Variants in HDAC9 observed in about 807,000 individuals in gnomAD.
HDAC9 encodes histone deacetylase 9.
HDAC9 carries 41 observed loss-of-function variants against 139.4 expected under a neutral mutation model. That is an observed-to-expected ratio of 0.29 (90% CI 0.23 to 0.38). The LOEUF (loss-of-function observed/expected upper bound fraction) is 0.38, where lower values mean the gene tolerates loss of function less well. Among genes scored for constraint, HDAC9 ranks in the 10% least tolerant of loss-of-function variants. The pLI, the probability that HDAC9 is intolerant of heterozygous loss-of-function variation, is 1.00. For missense variants in HDAC9, 1,147 were observed against 1,297.0 expected, an observed-to-expected ratio of 0.88 and a Z score of 1.78; for synonymous variants, 517 against 476.2, an observed-to-expected ratio of 1.09 and a Z score of -1.12.
chr7:18,510,109 G>A (rs1164935155), intron 2 of HDAC9, among the ~76,000 whole-genome samples: 1 of 152,132 alleles, frequency 6.6e-6, no homozygotes, highest in Non-Finnish European at 1.5e-5. Context: ...CATTTTTGAG[G>A]TGTTAGAGCT....
intron 17 of HDAC9, among the ~76,000 whole-genome samples, chr7:18,808,771 A>G (rs1256797660): frequency 6.6e-6 from 1 of 152,090 alleles, no homozygotes; most frequent in Non-Finnish European, 1.5e-5. Context: ...CATTTTTCAC[A>G]GAAAGAGAAA....
At chr7:18,868,946 G>T (rs1243538919) in intron 21 of HDAC9, among the ~76,000 whole-genome samples, 2 of 152,092 alleles carry the variant, frequency 1.3e-5, no homozygotes, top group African/African-American at 4.8e-5. Flanking sequence ...CCCAGGGAGG[G>T]CATGGAGACT....
intron 25 of HDAC9, among the ~76,000 whole-genome samples, chr7:18,977,506 T>C (rs1252796520): frequency 6.6e-6 from 1 of 152,306 alleles, no homozygotes; most frequent in African/African-American, 2.4e-5. Flanking sequence ...TCAAGTAATA[T>C]AAAAATCTCA....
chr7:18,569,481 A>G (rs182087470), intron 2 of HDAC9, among the ~76,000 whole-genome samples: 1 of 152,220 alleles, frequency 6.6e-6, no homozygotes, highest in East Asian at 1.9e-4. Flanking sequence ...TATACTTTTG[A>G]TTGTACAAAG....
At chr7:18,594,581 A>T (rs1163727025) in intron 6 of HDAC9, among the ~76,000 whole-genome samples, 2 of 152,080 alleles carry the variant, frequency 1.3e-5, no homozygotes, top group Non-Finnish European at 2.9e-5. Flanking sequence ...TGATAATCTC[A>T]TGAAGTTAGG....
chr7:18,839,730 AT>A (rs1273788436), intron 21 of HDAC9, among the ~76,000 whole-genome samples: 1 of 152,092 alleles, frequency 6.6e-6, no homozygotes, highest in Non-Finnish European at 1.5e-5. Flanking sequence ...TATTGAACAA[AT>A]CTTTTGCTGA....
At chr7:18,443,988 G>A (rs1047329708) in intron 1 of HDAC9, among the ~76,000 whole-genome samples, 1 of 151,878 alleles carries the variant, frequency 6.6e-6, no homozygotes, top group South Asian at 2.1e-4. Context: ...ATATATGTGT[G>A]TATGTATGTA....
At chr7:18,270,672 G>C (rs1417184087) in intron 2 of HDAC9, among the ~76,000 whole-genome samples, 1 of 152,118 alleles carries the variant, frequency 6.6e-6, no homozygotes, top group African/African-American at 2.4e-5. Flanking sequence ...GGTGAAAAAA[G>C]AGTAGGAGGA....
At chr7:18,930,736 G>T (rs1437860738) in intron 22 of HDAC9, among the ~76,000 whole-genome samples, 2 of 152,170 alleles carry the variant, frequency 1.3e-5, no homozygotes, top group Admixed American at 6.5e-5. Context: ...AGCTGCCTCA[G>T]TCTCTGACTG....
intron 2 of HDAC9, among the ~76,000 whole-genome samples, chr7:18,172,252 A>G (rs950712306): frequency 3.9e-5 from 6 of 152,098 alleles, no homozygotes; most frequent in African/African-American, 9.7e-5. Context: ...ATAGTATTCT[A>G]TTCTCTGATG....
intron 22 of HDAC9, among the ~76,000 whole-genome samples, chr7:18,898,471 G>C (rs1189309206): frequency 3.3e-5 from 5 of 151,880 alleles, no homozygotes; most frequent in Admixed American, 3.3e-4. Flanking sequence ...AGTGTTTGAG[G>C]TATGTGAAGG....
intron 12 of HDAC9, among the ~76,000 whole-genome samples, chr7:18,695,745 G>A (rs530821237): frequency 6.6e-6 from 1 of 152,278 alleles, no homozygotes; most frequent in Admixed American, 6.5e-5. Flanking sequence ...ACCAAAAAAA[G>A]AGCACAACTT....
chr7:18,970,187 C>T (rs993082), intron 24 of HDAC9, among the ~76,000 whole-genome samples: 31,689 of 151,990 alleles, frequency 0.21, 3,983 homozygotes, highest in East Asian at 0.53. Context: ...ACAAAAAATA[C>T]ATTTTTCATA....
chr7:18,128,587 T>C (rs1253159219), intron 1 of HDAC9, among the ~76,000 whole-genome samples: 2 of 152,100 alleles, frequency 1.3e-5, no homozygotes, highest in African/African-American at 4.8e-5. Flanking sequence ...CTGAACTATG[T>C]GCAGATGCCT....
At chr7:18,876,763 G>T (rs1429091843) in intron 22 of HDAC9, among the ~76,000 whole-genome samples, 1 of 151,416 alleles carries the variant, frequency 6.6e-6, no homozygotes, top group Admixed American at 6.6e-5. Flanking sequence ...AGCACAGTGG[G>T]ATGATCTCGG....
rs555322959 is a variant in HDAC9, at chr7:18,488,166, CT to C, written c.-41-8093del. Among the ~76,000 whole-genome samples the C allele has an allele frequency of 1.1e-3, 169 of 152,124 alleles. 1 individual carries two copies. The highest frequency in any genetic ancestry group is 3.9e-3 in the African/African-American group (164 of 41,542). On this transcript the variant is annotated intron_variant, in intron 1 of 3. Coordinates refer to the HDAC9 transcript ENST00000413509. ...AAAATAGTCTTTTCTTGAAACAGAG[CT>C]TTCCATTAAGTTTCTGATCCTGTGA...
Position 18,927,628 on chromosome 7 carries a change from G to A in HDAC9, c.2804-8181G>A, listed in dbSNP as rs149817362. Among the ~76,000 whole-genome samples, 1,189 of 152,252 alleles carry A rather than the reference G, an allele frequency of 7.8e-3. 18 individuals carry two copies. The highest frequency in any genetic ancestry group is 0.027 in the African/African-American group (1,126 of 41,536). On this transcript the variant is annotated intron_variant, in intron 22 of 25. Transcript: ENST00000686413. ...TAGGGCAACAATGTGTGACTCCTTT[G>A]GTCCCTACTATATTAAATGTGTGGT... is the stretch of plus-strand genomic sequence containing the variant.
chr7:18,509,741 C>T (rs1006878047), intron 2 of HDAC9, among the ~76,000 whole-genome samples: 18 of 152,178 alleles, frequency 1.2e-4, no homozygotes, highest in African/African-American at 2.6e-4. Context: ...TCCCTAATTA[C>T]GTGTATTTTT....
chr7:18,663,508 T>C (rs578251153), intron 11 of HDAC9, among the ~76,000 whole-genome samples: 1 of 151,800 alleles, frequency 6.6e-6, no homozygotes, highest in South Asian at 2.1e-4. Flanking sequence ...TCCTGGACAC[T>C]GGCTCTCTGG....
Sources: allele counts gnomAD v4.1 joint callset (sites outside exome capture counted in the v4.1 genomes callset), GRCh38; gene constraint gnomAD v4.1.1; transcripts MANE v1.5; gene names NCBI Gene and HGNC (gene_info 2026-07-23, HGNC 2026-07-21).